Variants in LRR1 observed in about 807,000 individuals in gnomAD.
LRR1 encodes leucine rich repeat protein 1.
In LRR1, 29 loss-of-function variants were observed where a neutral mutation model predicts 31.6. The ratio of observed to expected loss-of-function variants is 0.92; its 90% CI spans 0.68 to 1.25. The LOEUF is 1.25. LRR1 is among the 50% of genes most tolerant of loss of function. The probability of loss-of-function intolerance (pLI) is 0.00; values close to 1 mark genes in which losing one functional copy is unlikely to be tolerated. For missense variants in LRR1, 485 were observed against 487.2 expected (o/e 1.00, Z 0.04); for synonymous variants, 179 against 181.4 (o/e 0.99, Z 0.10).
chr14:49,612,502 CAT>C (rs1430675012), intron 3 of LRR1: 58 of 1,262,486 alleles, frequency 4.6e-5, no homozygotes, highest in Non-Finnish European at 5.8e-5. Flanking sequence ...TTAATGTAAA[CAT>C]GTGGGAGACA....
chr14:49,613,029 G>A (rs537144953), intron 3 of LRR1, among the ~76,000 whole-genome samples: 5 of 152,056 alleles, frequency 3.3e-5, no homozygotes, highest in South Asian at 2.1e-4. Flanking sequence ...GTTAACCCCC[G>A]TCTCTACTAA....
intron 1 of LRR1, 51 bp downstream of exon 1, chr14:49,599,254 A>G: frequency 1.3e-6 from 2 of 1,509,320 alleles, no homozygotes; most frequent in Non-Finnish European, 1.8e-6. Flanking sequence ...TTGGAAGCCG[A>G]GACGCGGGCC....
chr14:49,600,722 A>C, intron 1 of LRR1: 1 of 991,610 alleles, frequency 1.0e-6, no homozygotes, highest in Non-Finnish European at 1.5e-6. Context: ...CAAAACTTGA[A>C]AGAAAACAAA....
chr14:49,609,230 T>TTTTTTTC (rs1882418498), intron 3 of LRR1, among the ~76,000 whole-genome samples: 2 of 104,330 alleles, frequency 1.9e-5, no homozygotes, highest in Non-Finnish European at 3.9e-5. Flanking sequence ...TTTTTTTTTT[T>TTTTTTTC]TTTTTTTTTT....
In LRR1 at chr14:49,604,832, G is replaced by A. The variant is rs569654335; in HGVS notation, c.282+2364G>A. On this transcript the variant is annotated intron_variant, in intron 2 of 3. Transcript: ENST00000298288. Reference sequence around the variant, plus strand: ...AACTGGTGGTTTTTTTCTGCCTTCTGCCCTCTGCCCTATTCCTCTTTCCCT... The same window carrying A: ...AACTGGTGGTTTTTTTCTGCCTTCTACCCTCTGCCCTATTCCTCTTTCCCT... Among the ~76,000 whole-genome samples, 1,478 of 151,706 alleles carry A rather than the reference G, an allele frequency of 9.7e-3. 22 individuals carry two copies. Among genetic ancestry groups the A allele is most frequent in the African/African-American group, 0.034 (1,410 of 41,388 alleles).
intron 2 of LRR1, among the ~76,000 whole-genome samples, chr14:49,603,921 G>A (rs1882186656): frequency 6.6e-6 from 1 of 150,886 alleles, no homozygotes; most frequent in Non-Finnish European, 1.5e-5. Context: ...TCAAACTCCT[G>A]ACCTCGTGAT....
intron 1 of LRR1, 120 bp downstream of exon 1, chr14:49,599,323 T>G (rs1881944084): frequency 2.5e-5 from 29 of 1,159,276 alleles, no homozygotes; most frequent in Non-Finnish European, 3.3e-5. Context: ...TGGGGGTTCC[T>G]GAACTCCCAG....
intron 2 of LRR1, 140 bp from the exon 3 acceptor site, chr14:49,607,260 A>T: frequency 1.1e-6 from 1 of 902,254 alleles, no homozygotes; most frequent in Non-Finnish European, 1.6e-6. Flanking sequence ...ATAAAGTACT[A>T]AAAAAAAGTT....
In LRR1 at chr14:49,599,058, A is replaced by T. The variant is rs763651696; in HGVS notation, c.38A>T (p.His13Leu). ...LHCEVEVISR[H>L]LPALGLRNRG... Reference sequence around the variant, plus strand: ...TGTGAGGTGGAGGTGATCAGCCGGCACTTGCCCGCCTTGGGGCTTAGGAAC... The same window carrying T: ...TGTGAGGTGGAGGTGATCAGCCGGCTCTTGCCCGCCTTGGGGCTTAGGAAC... The change falls in exon 1 of 4, where the codon CAC (histidine) becomes CTC (leucine). Residue 13 changes from histidine to leucine, a missense_variant. This residue lies in a region of LRR1 where 260 missense variants were observed against 249.6 expected (regional missense o/e 1.04). Transcript: ENST00000298288. 12 of 1,609,512 alleles carry T rather than the reference A, an allele frequency of 7.5e-6. No homozygotes were observed. The highest frequency in any genetic ancestry group is 1.7e-5 in the Admixed American group (1 of 59,316).
rs1882627265 is a variant in LRR1, at chr14:49,614,474, A to G, written c.1223A>G (p.Asn408Ser). 1.2e-6 allele frequency: 2 copies of G among 1,613,728 alleles called. No homozygotes were observed. Among genetic ancestry groups the G allele is most frequent in the African/African-American group, 2.7e-5 (2 of 74,930 alleles). The change falls in exon 4 of 4, where the codon AAT (asparagine) becomes AGT (serine). Residue 408 changes from asparagine (N) to serine (S), a missense_variant. Around this residue, in one of 3 missense-constraint regions of LRR1, gnomAD observed 210 missense variants for 200.4 expected, o/e 1.05. Coordinates refer to ENST00000298288, the MANE Select transcript of LRR1 (RefSeq NM_152329.4). ...SYFCSLGCYV[N>S]SSDMLK is the part of the protein sequence containing the mutation. ...TTCTGTTCTCTAGGCTGTTATGTTAATTCCTCTGATATGTTAAAGTAATGG... is the reference window on the plus strand; with the variant it reads ...TTCTGTTCTCTAGGCTGTTATGTTAGTTCCTCTGATATGTTAAAGTAATGG...
chr14:49,599,328 T>C, intron 1 of LRR1, 125 bp downstream of exon 1: 3 of 1,123,346 alleles, frequency 2.7e-6, no homozygotes, highest in South Asian at 1.7e-5. Context: ...GTTCCTGAAC[T>C]CCCAGCCTTG....
At chr14:49,600,951 A>C (rs1400690406) in intron 1 of LRR1, 1 of 1,559,708 alleles carries the variant, frequency 6.4e-7, no homozygotes, top group African/African-American at 1.4e-5. Context: ...TTGACCATAC[A>C]CATTTCTGCA....
chr14:49,610,019 G>A (rs1474105813), intron 3 of LRR1, among the ~76,000 whole-genome samples: 1 of 151,286 alleles, frequency 6.6e-6, no homozygotes, highest in Admixed American at 6.6e-5. Flanking sequence ...GATTACAGGC[G>A]TGAGCCACCA....
chr14:49,601,231 TC>T, intron 1 of LRR1: 1 of 1,411,456 alleles, frequency 7.1e-7, no homozygotes, highest in Admixed American at 2.5e-5. Context: ...TTAAAAAAAA[TC>T]AGGTCACAGC....
rs373141197 is a variant in LRR1 at position 49,607,848 on chromosome 14, A to T, written c.731A>T (p.Gln244Leu). 13 of 1,613,722 alleles carry T rather than the reference A, an allele frequency of 8.1e-6. No individual in the cohort carries two copies. In the African/African-American group the frequency reaches 1.7e-4, roughly 22 times the overall value. The change falls in exon 3 of 4, where the codon CAG (glutamine) becomes CTG (leucine). Residue 244 changes from glutamine (Q) to leucine (L), a missense_variant. By Grantham distance (113) the Gln-to-Leu change is moderately radical (BLOSUM62 -2). This residue lies in a region of LRR1 where 210 missense variants were observed against 200.4 expected (regional missense o/e 1.05). Coordinates refer to ENST00000298288, the MANE Select transcript of LRR1 (RefSeq NM_152329.4). ...SKNKIKALPV[Q>L]FCQLQELKNL... ...AACAAAATCAAGGCACTCCCTGTGC[A>T]GTTTTGCCAGCTCCAGGAACTTAAG...
intron 2 of LRR1, among the ~76,000 whole-genome samples, chr14:49,602,926 C>A (rs1481211905): frequency 8.5e-5 from 13 of 152,106 alleles, no homozygotes; most frequent in Admixed American, 6.6e-4. Flanking sequence ...ACCTCCATCT[C>A]CCGGGTTCAA....
intron 1 of LRR1, among the ~76,000 whole-genome samples, chr14:49,602,136 AC>A (rs965570893): frequency 1.4e-5 from 2 of 140,684 alleles, no homozygotes; most frequent in African/African-American, 2.7e-5. Flanking sequence ...TCAAAAAAAA[AC>A]AACTTTTTTT....
chr14:49,610,892 G>C (rs1882487917), intron 3 of LRR1, among the ~76,000 whole-genome samples: 1 of 152,312 alleles, frequency 6.6e-6, no homozygotes, highest in African/African-American at 2.4e-5. Flanking sequence ...ATGTCTGGAA[G>C]CTAAGATGTG....
At chr14:49,601,804 C>T (rs1370216609) in intron 1 of LRR1, among the ~76,000 whole-genome samples, 3 of 139,012 alleles carry the variant, frequency 2.2e-5, no homozygotes, top group African/African-American at 8.1e-5. Context: ...AGGAGTATAA[C>T]TTCCCAACTG....
Sources: allele counts gnomAD v4.1 joint callset (sites outside exome capture counted in the v4.1 genomes callset), GRCh38; gene constraint gnomAD v4.1.1; regional missense constraint gnomAD v4.1.1; transcripts MANE v1.5; gene names NCBI Gene and HGNC (gene_info 2026-07-23, HGNC 2026-07-21).